Variants in SMARCAD1 observed in about 807,000 individuals in gnomAD.
SMARCAD1 encodes SWI/SNF-related matrix-associated actin-dependent regulator of chromatin subfamily A containing DEAD/H box 1.
SMARCAD1 carries 25 observed loss-of-function variants against 127.1 expected under a neutral mutation model. That is an observed-to-expected ratio of 0.20 (90% CI 0.14 to 0.27). The LOEUF is 0.27. Among genes scored for constraint, SMARCAD1 ranks in the 10% least tolerant of loss-of-function variants. The pLI is 1.00. For missense variants in SMARCAD1, 807 were observed against 1,206.0 expected (o/e 0.67, Z 4.90); for synonymous variants, 400 against 396.9 (o/e 1.01, Z -0.09).
At chr4:94,272,085 T>C in intron 11 of SMARCAD1, among the ~76,000 whole-genome samples, 1 of 152,210 alleles carries the variant, frequency 6.6e-6, no homozygotes, top group South Asian at 2.1e-4. Context: ...TCTCTTTGAC[T>C]TGAAGACAGC....
Position 94,240,886 on chromosome 4 carries a change from G to A in SMARCAD1, c.605-20G>A, listed in dbSNP as rs1164228764. On this transcript the variant is annotated intron_variant, in intron 5 of 23. Coordinates refer to ENST00000354268, the MANE Select transcript of SMARCAD1 (RefSeq NM_020159.5). ...TGCTATTTCTGTGCAAAGTTTGAGT[G>A]TGCTGCTCTGCTTTAAAAGGTGGTG... 1 of 1,587,596 alleles carries A rather than the reference G, an allele frequency of 6.3e-7. No homozygotes were observed. Among genetic ancestry groups the A allele is most frequent in the Admixed American group, 1.7e-5 (1 of 59,856 alleles).
intron 21 of SMARCAD1, among the ~76,000 whole-genome samples, chr4:94,281,796 G>T (rs752393807): frequency 6.6e-6 from 1 of 151,970 alleles, no homozygotes; most frequent in South Asian, 2.1e-4. Context: ...TGATGCGGGC[G>T]GATTGGTTGG....
chr4:94,253,407 T>A, intron 9 of SMARCAD1: 2 of 1,254,090 alleles, frequency 1.6e-6, no homozygotes, highest in South Asian at 2.7e-5. Flanking sequence ...CTACAACTAC[T>A]TGAAGAGCAA....
At chr4:94,243,682 G>A (rs1747955956) in intron 6 of SMARCAD1, among the ~76,000 whole-genome samples, 1 of 152,206 alleles carries the variant, frequency 6.6e-6, no homozygotes, top group Non-Finnish European at 1.5e-5. Flanking sequence ...ATGAGAAATA[G>A]TAGGTGATCA....
chr4:94,259,512 G>GAGA (rs1750632537), intron 9 of SMARCAD1, among the ~76,000 whole-genome samples: 1 of 152,154 alleles, frequency 6.6e-6, no homozygotes, highest in Non-Finnish European at 1.5e-5. Flanking sequence ...TGTGGGAGGG[G>GAGA]AGAGGTAGGG....
At chr4:94,238,369 C>G (rs989246559) in intron 5 of SMARCAD1, among the ~76,000 whole-genome samples, 1 of 152,012 alleles carries the variant, frequency 6.6e-6, no homozygotes, top group Non-Finnish European at 1.5e-5. Flanking sequence ...GTGCCAAACT[C>G]AAAGGTCGTT....
At chr4:94,262,582 A>G (rs1579260113) in intron 9 of SMARCAD1, among the ~76,000 whole-genome samples, 2 of 152,218 alleles carry the variant, frequency 1.3e-5, no homozygotes, top group East Asian at 3.9e-4. Context: ...ACGCATTAAA[A>G]TGATTCATAC....
intron 9 of SMARCAD1, among the ~76,000 whole-genome samples, chr4:94,257,314 C>T (rs1377130157): frequency 6.6e-6 from 1 of 152,134 alleles, no homozygotes; most frequent in African/African-American, 2.4e-5. Flanking sequence ...AAGATACCCA[C>T]CATTTAAGGT....
intron 9 of SMARCAD1, among the ~76,000 whole-genome samples, chr4:94,257,278 AG>A (rs1191641752): frequency 1.3e-5 from 2 of 152,196 alleles, no homozygotes; most frequent in East Asian, 3.8e-4. Flanking sequence ...GAAATGAAAA[AG>A]TAAAGTTTAC....
chr4:94,223,237 G>A (rs1028054176), intron 2 of SMARCAD1, among the ~76,000 whole-genome samples: 3 of 152,034 alleles, frequency 2.0e-5, no homozygotes, highest in Non-Finnish European at 4.4e-5. Context: ...GCTCACATCT[G>A]TAATCCCAGC....
intron 2 of SMARCAD1, among the ~76,000 whole-genome samples, chr4:94,224,081 A>G (rs1323759593): frequency 6.6e-6 from 1 of 152,046 alleles, no homozygotes; most frequent in African/African-American, 2.4e-5. Context: ...AGGAGTTTGG[A>G]CTGTTTTATT....
intron 2 of SMARCAD1, among the ~76,000 whole-genome samples, chr4:94,222,934 A>G (rs1220657894): frequency 1.3e-5 from 2 of 152,100 alleles, no homozygotes; most frequent in Non-Finnish European, 2.9e-5. Context: ...ACTGCACTCC[A>G]GCCTGGGCGA....
At chr4:94,239,562 G>GTGT (rs1553916055) in intron 5 of SMARCAD1, among the ~76,000 whole-genome samples, 20 of 142,840 alleles carry the variant, frequency 1.4e-4, no homozygotes, top group African/African-American at 2.3e-4. Context: ...GCCCTGTTGT[G>GTGT]TTTTTTTTTT....
At chr4:94,272,713 G>A (rs904599495) in intron 11 of SMARCAD1, among the ~76,000 whole-genome samples, 1 of 152,024 alleles carries the variant, frequency 6.6e-6, no homozygotes. Flanking sequence ...TTGCCATGTG[G>A]TATGGTAGTC....
At chr4:94,248,567 T>C in intron 6 of SMARCAD1, 1 of 455,936 alleles carries the variant, frequency 2.2e-6, no homozygotes, top group East Asian at 7.0e-5. Context: ...TGTCTTATTA[T>C]TCCCCTGCTC....
intron 2 of SMARCAD1, among the ~76,000 whole-genome samples, chr4:94,215,692 A>G (rs986274818): frequency 1.1e-4 from 17 of 152,074 alleles, no homozygotes; most frequent in Admixed American, 5.2e-4. Flanking sequence ...CCTACACACA[A>G]ATTTCACTAG....
At chr4:94,286,179 G>T (rs1754912174) in intron 23 of SMARCAD1, among the ~76,000 whole-genome samples, 1 of 152,090 alleles carries the variant, frequency 6.6e-6, no homozygotes, top group Non-Finnish European at 1.5e-5. Flanking sequence ...GAGAGAGGTG[G>T]TATGAGAATG....
intron 9 of SMARCAD1, among the ~76,000 whole-genome samples, chr4:94,257,536 G>A (rs913419854): frequency 5.3e-5 from 8 of 152,052 alleles, no homozygotes; most frequent in African/African-American, 1.9e-4. Flanking sequence ...CATGGTGGCA[G>A]TAGAGTGTTC....
intron 21 of SMARCAD1, among the ~76,000 whole-genome samples, chr4:94,282,394 C>T (rs1046407592): frequency 2.6e-5 from 4 of 151,780 alleles, no homozygotes; most frequent in African/African-American, 4.8e-5. Context: ...CCGCGCCCGG[C>T]GCAAATACGT....
Sources: gnomAD v4.1 joint callset for allele counts (sites outside exome capture counted in the v4.1 genomes callset) on GRCh38, gnomAD v4.1.1 for gene constraint, MANE v1.5 for transcripts, NCBI Gene and HGNC (gene_info 2026-07-23, HGNC 2026-07-21) for gene names.